The following PPM1E variants were observed in gnomAD, a reference collection of about 807,000 sequenced individuals.
The protein encoded by PPM1E is protein phosphatase 1E.
Under a neutral mutation model 65.9 loss-of-function variants are expected in PPM1E, and 20 were observed. The observed-to-expected ratio is 0.30, with a 90% CI of 0.21 to 0.44. The LOEUF (loss-of-function observed/expected upper bound fraction) is 0.44. Among genes scored for constraint, PPM1E ranks in the 20% least tolerant of loss-of-function variants. PPM1E has a pLI of 1.00. For missense variants in PPM1E, 713 were observed against 953.1 expected, an observed-to-expected ratio of 0.75 and a Z score of 3.32; for synonymous variants, 352 against 374.9, an observed-to-expected ratio of 0.94 and a Z score of 0.70.
At chr17:58,816,886 C>T (rs1300615465) in intron 1 of PPM1E, among the ~76,000 whole-genome samples, 1 of 149,614 alleles carries the variant, frequency 6.7e-6, no homozygotes, top group African/African-American at 2.5e-5. Flanking sequence ...ACCTCCACCT[C>T]CCAGGCCCGA....
chr17:58,954,497 C>A (rs567731919), intron 1 of PPM1E, among the ~76,000 whole-genome samples: 14 of 152,296 alleles, frequency 9.2e-5, no homozygotes, highest in Admixed American at 8.5e-4. Flanking sequence ...GTTCCTCTGA[C>A]TTTATTCTGT....
intron 1 of PPM1E, among the ~76,000 whole-genome samples, chr17:58,891,824 TTC>T (rs1438058730): frequency 8.0e-6 from 1 of 125,724 alleles, no homozygotes; most frequent in Non-Finnish European, 1.7e-5. Context: ...TTACATTTTT[TTC>T]TTTTTCTTTT....
Position 58,756,321 on chromosome 17 carries a change from C to G in PPM1E, c.324C>G (p.Ala108=). 4 of 1,476,922 alleles carry G rather than the reference C, an allele frequency of 2.7e-6. No homozygotes were observed. The highest frequency in any genetic ancestry group is 3.6e-6 in the Non-Finnish European group (4 of 1,116,780). 91.5% of individuals were successfully genotyped at this position (1,476,922 alleles called of 1,614,324 possible). The change falls in exon 1 of 7, where the codon GCC becomes GCG. Residue 108 remains alanine (A), a synonymous_variant. Coordinates refer to ENST00000308249, the MANE Select transcript of PPM1E (RefSeq NM_014906.5). Reference sequence around the variant, plus strand: ...AGGGCGCGGCGACGGCGGCGGCAGCCCCGGGGCACTCGGCCGTGCCGCCGC... The same window carrying G: ...AGGGCGCGGCGACGGCGGCGGCAGCGCCGGGGCACTCGGCCGTGCCGCCGC... ...EEEGAATAAA[A]PGHSAVPPPP...
rs1357214794 is a variant in PPM1E, at chr17:58,792,037, T to C, written c.464+35576T>C. 3.3e-5 allele frequency among the ~76,000 whole-genome samples: 5 copies of C among 152,070 alleles called. No homozygotes were observed. In the East Asian group the frequency reaches 9.6e-4, roughly 29 times the overall value. ...TATTCCCATCTTTGTGTCTTTCTTA[T>C]TATGTGTTTCTCCCATTTTCTAGGG... On this transcript the variant is annotated intron_variant, in intron 1 of 6. Coordinates refer to ENST00000308249, the MANE Select transcript of PPM1E (RefSeq NM_014906.5).
intron 1 of PPM1E, among the ~76,000 whole-genome samples, chr17:58,814,993 G>A (rs1240641422): frequency 6.6e-6 from 1 of 152,194 alleles, no homozygotes; most frequent in Non-Finnish European, 1.5e-5. Context: ...CTTAGTACAT[G>A]TGAATCCTCA....
At chr17:58,921,106 A>G (rs540580450) in intron 1 of PPM1E, among the ~76,000 whole-genome samples, 1 of 152,342 alleles carries the variant, frequency 6.6e-6, no homozygotes, top group South Asian at 2.1e-4. Flanking sequence ...TGTGACTTTA[A>G]TAAGAGCAGT....
At chr17:58,961,762 G>A (rs1013130309) in intron 2 of PPM1E, among the ~76,000 whole-genome samples, 2 of 152,170 alleles carry the variant, frequency 1.3e-5, no homozygotes, top group African/African-American at 4.8e-5. Context: ...AATTGAAATA[G>A]AGCTAATGTG....
At chr17:58,833,773 A>G (rs2050627923) in intron 1 of PPM1E, among the ~76,000 whole-genome samples, 1 of 152,112 alleles carries the variant, frequency 6.6e-6, no homozygotes, top group Non-Finnish European at 1.5e-5. Flanking sequence ...TCCTGGGTCA[A>G]ATGGTAGTTC....
chr17:58,805,961 C>CAAAAAAAAAAAAAAAA (rs71367632), intron 1 of PPM1E, among the ~76,000 whole-genome samples: 5 of 69,638 alleles, frequency 7.2e-5, no homozygotes, highest in East Asian at 3.9e-4. Flanking sequence ...AAAAAAAAAA[C>CAAAAAAAAAAAAAAAA]AAAAAAAAAA....
intron 1 of PPM1E, chr17:58,785,451 G>A (rs2050089255): frequency 1.1e-5 from 1 of 86,992 alleles, no homozygotes; most frequent in Non-Finnish European, 2.3e-5. Context: ...TACCACACCT[G>A]GCTAATTTAT....
At chr17:58,925,771 A>G (rs2051816745) in intron 1 of PPM1E, among the ~76,000 whole-genome samples, 1 of 151,822 alleles carries the variant, frequency 6.6e-6, no homozygotes, top group Admixed American at 6.6e-5. Flanking sequence ...TTGATTCTGG[A>G]TATTGGACCT....
At chr17:58,759,381 A>T (rs567197944) in intron 1 of PPM1E, among the ~76,000 whole-genome samples, 5 of 152,326 alleles carry the variant, frequency 3.3e-5, no homozygotes, top group Admixed American at 1.3e-4. Context: ...GAAAAGGTGG[A>T]GGTGAGAGAT....
chr17:58,900,593 C>T (rs1210784956), intron 1 of PPM1E, among the ~76,000 whole-genome samples: 1 of 152,138 alleles, frequency 6.6e-6, no homozygotes, highest in Non-Finnish European at 1.5e-5. Flanking sequence ...AAATTTTGTA[C>T]AGCTCACTTT....
chr17:58,964,075 G>T (rs2143668327), intron 2 of PPM1E, among the ~76,000 whole-genome samples: 1 of 152,272 alleles, frequency 6.6e-6, no homozygotes. Context: ...ACAGGACTGA[G>T]AATCAAGTTG....
At chr17:58,964,883 A>C (rs2030171050) in intron 2 of PPM1E, among the ~76,000 whole-genome samples, 1 of 152,006 alleles carries the variant, frequency 6.6e-6, no homozygotes, top group Non-Finnish European at 1.5e-5. Flanking sequence ...GTCTCTACTA[A>C]AAATACAAAA....
At chr17:58,922,056 G>A (rs866284464) in intron 1 of PPM1E, among the ~76,000 whole-genome samples, 1,805 of 142,918 alleles carry the variant, frequency 0.013, 36 homozygotes, top group African/African-American at 0.043. Flanking sequence ...AAAAAAAAAA[G>A]AAAAAAAAAA....
intron 1 of PPM1E, among the ~76,000 whole-genome samples, chr17:58,924,876 C>T (rs951181954): frequency 6.6e-6 from 1 of 152,044 alleles, no homozygotes; most frequent in Non-Finnish European, 1.5e-5. Flanking sequence ...TGGTGTCCAG[C>T]TTCATCCATG....
intron 1 of PPM1E, among the ~76,000 whole-genome samples, chr17:58,804,441 A>T (rs956488499): frequency 1.3e-5 from 2 of 152,162 alleles, no homozygotes; most frequent in African/African-American, 4.8e-5. Flanking sequence ...TTCTCTAACT[A>T]GATTTGTCAC....
At chr17:58,881,774 C>T (rs764187022) in intron 1 of PPM1E, among the ~76,000 whole-genome samples, 2 of 151,420 alleles carry the variant, frequency 1.3e-5, no homozygotes, top group Non-Finnish European at 2.9e-5. Flanking sequence ...AGCCCAGAGA[C>T]GGAGGTTACA....
Sources: gnomAD v4.1 joint callset for allele counts (sites outside exome capture counted in the v4.1 genomes callset) on GRCh38, gnomAD v4.1.1 for gene constraint, MANE v1.5 for transcripts, NCBI Gene and HGNC (gene_info 2026-07-23, HGNC 2026-07-21) for gene names.